The following GLIS3 variants were observed in gnomAD, a reference collection of about 807,000 sequenced individuals.
GLIS3 encodes GLIS family zinc finger 3.
GLIS3 carries 53 observed loss-of-function variants against 78.6 expected under a neutral mutation model. The ratio of observed to expected loss-of-function variants is 0.67; its 90% CI spans 0.54 to 0.85. The LOEUF (loss-of-function observed/expected upper bound fraction) is 0.85. GLIS3 is among the 40% of genes least tolerant of loss of function. The pLI is 0.00. For missense variants in GLIS3, 1,703 were observed against 1,231.1 expected (o/e 1.38, Z -5.74); for synonymous variants, 684 against 509.9 (o/e 1.34, Z -4.60).
At position 4,251,744 on chromosome 9, in the gene GLIS3, A is replaced by T. The variant is rs779740062; in HGVS notation, c.388+34294T>A. ...GTATGTTTTTGCAGTGGCTGGTACC[A>T]GTTTTTCCTTTCCATGTTTAGTGCT... On this transcript the variant is annotated intron_variant, in intron 2 of 10. Coordinates refer to ENST00000381971, the MANE Select transcript of GLIS3 (RefSeq NM_001042413.2). Among the ~76,000 whole-genome samples the T allele has an allele frequency of 1.5e-4, 23 of 152,122 alleles. 1 individual carries two copies. Among genetic ancestry groups the T allele is most frequent in the Admixed American group, 1.5e-3 (23 of 15,278 alleles).
Position 3,829,329 on chromosome 9 carries a change from C to G in GLIS3, c.2637G>C (p.Ser879=), listed in dbSNP as rs769104983. 2 of 1,613,900 alleles carry G rather than the reference C, an allele frequency of 1.2e-6. No individual in the cohort carries two copies. The highest frequency in any genetic ancestry group is 1.7e-6 in the Non-Finnish European group (2 of 1,179,922). ...ACACACCTGTAATGCCCGAGTGAGT[C>G]GAGAAGGCTCTGTGGAAAACATCAA... The part of the protein sequence containing the change: ...ASFDVFHRAF[S]THSGITVYDL... Residue 879 remains serine, a synonymous_variant, in exon 10 of 11, where the codon TCG becomes TCC. Coordinates refer to ENST00000381971, the MANE Select transcript of GLIS3 (RefSeq NM_001042413.2).
At chr9:3,953,180 G>A (rs1490503920) in intron 4 of GLIS3, among the ~76,000 whole-genome samples, 1 of 152,072 alleles carries the variant, frequency 6.6e-6, no homozygotes, top group Non-Finnish European at 1.5e-5. Flanking sequence ...AGATTCACTT[G>A]CATCAAGGGA....
the GLIS3 span, among the ~76,000 whole-genome samples, chr9:4,399,183 T>C: frequency 6.4e-4 from 98 of 152,274 alleles, no homozygotes; most frequent in African/African-American, 2.3e-3. Context: ...CACAAAGAAA[T>C]GATAAATGTT....
chr9:4,082,972 T>C (rs1390150954), intron 4 of GLIS3, among the ~76,000 whole-genome samples: 3 of 152,210 alleles, frequency 2.0e-5, no homozygotes, highest in Admixed American at 2.0e-4. Flanking sequence ...TAGCTGTAAT[T>C]TAGTACCTTG....
intron 4 of GLIS3, among the ~76,000 whole-genome samples, chr9:4,085,138 T>A (rs1828910944): frequency 6.6e-6 from 1 of 152,176 alleles, no homozygotes; most frequent in Non-Finnish European, 1.5e-5. Context: ...TTGACTTGAC[T>A]TCAGGTCAAG....
chr9:3,961,946 T>G (rs187039654), intron 4 of GLIS3, among the ~76,000 whole-genome samples: 2 of 152,340 alleles, frequency 1.3e-5, no homozygotes, highest in Admixed American at 1.3e-4. Flanking sequence ...GGCTCACACC[T>G]GTGATCCTAG....
In GLIS3 at chr9:4,155,455, C is replaced by A. The variant is rs188056207; in HGVS notation, c.389-29514G>T. Among the ~76,000 whole-genome samples, 500 of 152,328 alleles carry A rather than the reference C, an allele frequency of 3.3e-3. 2 individuals are homozygous for A. Among genetic ancestry groups the A allele is most frequent in the African/African-American group, 0.012 (487 of 41,586 alleles). On this transcript the variant is annotated intron_variant, in intron 2 of 10. Coordinates refer to ENST00000381971, the MANE Select transcript of GLIS3 (RefSeq NM_001042413.2). ...GGCAGTTGTGCGGTGTGACTGCTTTCTAAACTTTTCTCTTACCCTTTTCAA... is the reference window on the plus strand; with the variant it reads ...GGCAGTTGTGCGGTGTGACTGCTTTATAAACTTTTCTCTTACCCTTTTCAA...
At chr9:4,171,854 G>A (rs1340712536) in intron 2 of GLIS3, among the ~76,000 whole-genome samples, 3 of 152,182 alleles carry the variant, frequency 2.0e-5, no homozygotes, top group African/African-American at 7.2e-5. Context: ...TTAAACGACT[G>A]AAGAGGACTG....
intron 2 of GLIS3, among the ~76,000 whole-genome samples, chr9:4,341,579 C>T (rs566968880): frequency 6.6e-6 from 1 of 152,346 alleles, no homozygotes; most frequent in South Asian, 2.1e-4. Context: ...AGCACTTCCT[C>T]ACCTATACTC....
chr9:4,423,972 A>G, the GLIS3 span, among the ~76,000 whole-genome samples: 1 of 152,244 alleles, frequency 6.6e-6, no homozygotes, highest in Non-Finnish European at 1.5e-5. Flanking sequence ...AAACTTAAAG[A>G]AAATATAAAT....
intron 3 of GLIS3, among the ~76,000 whole-genome samples, chr9:4,122,303 G>A (rs1009655783): frequency 3.9e-5 from 6 of 152,064 alleles, no homozygotes; most frequent in African/African-American, 1.4e-4. Flanking sequence ...TGAAAAAGAC[G>A]GCCAGTCCTA....
chr9:3,875,315 C>A (rs1219458041), intron 8 of GLIS3, among the ~76,000 whole-genome samples: 1 of 152,066 alleles, frequency 6.6e-6, no homozygotes, highest in Non-Finnish European at 1.5e-5. Flanking sequence ...AAAATGGAAC[C>A]TTGTTAGATT....
intron 4 of GLIS3, among the ~76,000 whole-genome samples, chr9:4,016,400 T>A (rs1359808511): frequency 1.3e-5 from 2 of 152,200 alleles, no homozygotes; most frequent in Non-Finnish European, 2.9e-5. Context: ...TTGTGATTCC[T>A]TTACTTTCTC....
chr9:4,226,285 T>A (rs149737196), intron 2 of GLIS3, among the ~76,000 whole-genome samples: 2,846 of 152,332 alleles, frequency 0.019, 36 homozygotes, highest in Non-Finnish European at 0.027. Context: ...AGATATAGCC[T>A]GCATTCTTCC....
intron 2 of GLIS3, among the ~76,000 whole-genome samples, chr9:4,243,905 G>C (rs1823560158): frequency 6.6e-6 from 1 of 152,238 alleles, no homozygotes. Context: ...AGAAGAGGAT[G>C]TGGAATAGAG....
At chr9:4,470,405 C>A in the GLIS3 span, among the ~76,000 whole-genome samples, 2 of 152,280 alleles carry the variant, frequency 1.3e-5, no homozygotes, top group Non-Finnish European at 2.9e-5. Flanking sequence ...GCTTATCCAC[C>A]ACGATCAAGT....
At chr9:4,067,023 T>C (rs1827158257) in intron 4 of GLIS3, among the ~76,000 whole-genome samples, 1 of 152,146 alleles carries the variant, frequency 6.6e-6, no homozygotes, top group Non-Finnish European at 1.5e-5. Context: ...CCCAATGGGA[T>C]CTAATTCTCA....
intron 4 of GLIS3, among the ~76,000 whole-genome samples, chr9:4,007,040 A>T (rs1821604515): frequency 6.6e-6 from 1 of 152,224 alleles, no homozygotes; most frequent in Non-Finnish European, 1.5e-5. Context: ...TGAGACTGAC[A>T]CGGAAATTCT....
At chr9:3,863,965 T>A (rs1820406345) in intron 8 of GLIS3, among the ~76,000 whole-genome samples, 1 of 152,032 alleles carries the variant, frequency 6.6e-6, no homozygotes, top group Admixed American at 6.6e-5. Context: ...AGAGAGGAGT[T>A]TTCTGGAATA....
Sources: gnomAD v4.1 joint callset for allele counts (sites outside exome capture counted in the v4.1 genomes callset) on GRCh38, gnomAD v4.1.1 for gene constraint, MANE v1.5 for transcripts, NCBI Gene and HGNC (gene_info 2026-07-23, HGNC 2026-07-21) for gene names.